STX1A: variants seen among roughly 807,000 people sequenced by gnomAD.
The protein encoded by STX1A is syntaxin-1A.
A neutral mutation model predicts 37.8 loss-of-function variants in STX1A; 4 were observed. The observed-to-expected ratio is 0.11, with a 90% CI of 0.05 to 0.24. The LOEUF is 0.24. Ranked by LOEUF, STX1A falls within the 10% of genes least tolerant of loss-of-function variation. The pLI, the probability that STX1A is intolerant of heterozygous loss-of-function variation, is 1.00. For synonymous variants in STX1A, 135 were observed against 147.4 expected, an observed-to-expected ratio of 0.92 and a Z score of 0.61; for missense variants, 251 against 399.9, an observed-to-expected ratio of 0.63 and a Z score of 3.18.
rs947027934 is a variant in STX1A at position 73,712,274 on chromosome 7, C to T, written c.31-3152G>A. On this transcript the variant is annotated intron_variant, in intron 1 of 9. Coordinates refer to ENST00000222812, the MANE Select transcript of STX1A (RefSeq NM_004603.4). Reference sequence around the variant, plus strand: ...TTCTTCGTTCTTGGGAATTTTCACCCCCAGCTCTGCTCTTTATCCTGCTGC... The same window carrying T: ...TTCTTCGTTCTTGGGAATTTTCACCTCCAGCTCTGCTCTTTATCCTGCTGC... Among the ~76,000 whole-genome samples, 16 of 151,986 alleles carry T rather than the reference C, an allele frequency of 1.1e-4. No individual in the cohort carries two copies. The South Asian group carries it at 2.1e-3, about 20-fold the overall frequency.
chr7:73,708,971 A>C, intron 2 of STX1A, 74 bp downstream of exon 2: 1 of 1,538,082 alleles, frequency 6.5e-7, no homozygotes, highest in Non-Finnish European at 9.0e-7. Flanking sequence ...AGAGCACTGA[A>C]CCTGGCTCAG....
chr7:73,717,359 G>A lies in STX1A; in HGVS notation c.30+2243C>T, dbSNP rs1268541277. Among the ~76,000 whole-genome samples the A allele has an allele frequency of 6.6e-6, 1 of 152,134 alleles. No homozygotes were observed. Among genetic ancestry groups the A allele is most frequent in the African/African-American group, 2.4e-5 (1 of 41,416 alleles). On this transcript the variant is annotated intron_variant, in intron 1 of 9. Transcript: ENST00000222812. This position sits in a 1 kb window ranked among gnomAD's most constrained non-coding sequence, Gnocchi z 4.1. The stretch of plus-strand genomic sequence containing the variant: ...AGCCAGTGCTGGCCTCTTCCTTTCT[G>A]GGGATTCTGGGCTGAAAATTCTGAC...
chr7:73,710,901 G>C (rs1397077634), intron 1 of STX1A, among the ~76,000 whole-genome samples: 1 of 152,184 alleles, frequency 6.6e-6, no homozygotes, highest in Non-Finnish European at 1.5e-5. Context: ...ACTCTTCTGT[G>C]AAATGGGGAC....
rs1554616128 is a variant in STX1A, at chr7:73,702,905, C to T, written c.618G>A (p.Glu206=). 2 of 1,613,762 alleles carry T rather than the reference C, an allele frequency of 1.2e-6. No homozygotes were observed. ...TGTCGTGTAGCTCACGGATGCTGTT[C>T]TCCAGCTTGATGATCTCACTGTGCC... ...ETRHSEIIKL[E]NSIRELHDMF... is the part of the protein sequence containing the mutation. Residue 206 remains glutamate, a synonymous_variant, in exon 8 of 10, where the codon GAG becomes GAA. Transcript: ENST00000222812. This position sits in a 1 kb window ranked among gnomAD's most constrained non-coding sequence, Gnocchi z 4.7.
chr7:73,700,173 G>T lies in STX1A; in HGVS notation c.*234C>A. 1.7e-6 allele frequency: 1 copy of T among 594,408 alleles called. No homozygotes were observed. Among genetic ancestry groups the T allele is most frequent in the South Asian group, 2.0e-5 (1 of 50,828 alleles). The allele number at this position is 594,408 out of a possible 1,614,324, so 36.8% of individuals were successfully genotyped here. Reference sequence around the variant, plus strand: ...CTCCTCGCTGTGCACACTGCATCACGCCCCGCTGGCTGCCTCCCTCTGCCT... The same window carrying T: ...CTCCTCGCTGTGCACACTGCATCACTCCCCGCTGGCTGCCTCCCTCTGCCT... On this transcript the variant is annotated 3_prime_UTR_variant, in exon 10 of 10. Coordinates refer to ENST00000222812, the MANE Select transcript of STX1A (RefSeq NM_004603.4). This position sits in a 1 kb window ranked among gnomAD's most constrained non-coding sequence, Gnocchi z 4.4.
intron 3 of STX1A, 79 bp downstream of exon 3, chr7:73,708,510 T>A: frequency 7.3e-7 from 1 of 1,374,314 alleles, no homozygotes; most frequent in Non-Finnish European, 1.0e-6. Context: ...GCTGCAGAGG[T>A]CCCGTGAGGC....
rs938214126 is a variant in STX1A, at chr7:73,705,094, G to A, written c.283+56C>T. The A allele has an allele frequency of 1.9e-5, 29 of 1,553,868 alleles. No homozygotes were observed. The highest frequency in any genetic ancestry group is 2.7e-5 in the African/African-American group (2 of 73,706). On this transcript the variant is annotated intron_variant, in intron 4 of 9. Transcript: ENST00000222812. This position sits in a 1 kb window ranked among gnomAD's most constrained non-coding sequence, Gnocchi z 5.2. Reference sequence around the variant, plus strand: ...GGGCGAGCAAAACCCCATGGGCTCCGCAGAGGAAGCAGGCCTAGAATGCCC... The same window carrying A: ...GGGCGAGCAAAACCCCATGGGCTCCACAGAGGAAGCAGGCCTAGAATGCCC...
At chr7:73,704,009 C>T (rs1798770111) in intron 6 of STX1A, 139 bp downstream of exon 6, 1 of 1,129,980 alleles carries the variant, frequency 8.8e-7, no homozygotes, top group Admixed American at 2.4e-5. Flanking sequence ...CCCCTCCAGC[C>T]CCAAACTCAG....
At chr7:73,703,519 G>A (rs983401211) in intron 7 of STX1A, 4 of 694,950 alleles carry the variant, frequency 5.8e-6, no homozygotes, top group Admixed American at 2.0e-5. Context: ...GCTGGCCGCC[G>A]GCGAAAGTGA....
In STX1A at chr7:73,700,172, C is replaced by T. The variant is rs1477064189; in HGVS notation, c.*235G>A. Reference sequence around the variant, plus strand: ...GCTCCTCGCTGTGCACACTGCATCACGCCCCGCTGGCTGCCTCCCTCTGCC... The same window carrying T: ...GCTCCTCGCTGTGCACACTGCATCATGCCCCGCTGGCTGCCTCCCTCTGCC... On this transcript the variant is annotated 3_prime_UTR_variant, in exon 10 of 10. Coordinates refer to ENST00000222812, the MANE Select transcript of STX1A (RefSeq NM_004603.4). This position sits in a 1 kb window ranked among gnomAD's most constrained non-coding sequence, Gnocchi z 4.4. 1.3e-5 allele frequency: 8 copies of T among 594,500 alleles called. No homozygotes were observed. Among genetic ancestry groups the T allele is most frequent in the African/African-American group, 9.3e-5 (5 of 53,724 alleles). The allele number at this position is 594,500 out of a possible 1,614,324, so 36.8% of individuals were successfully genotyped here.
chr7:73,704,719 A>T (rs1378752572), intron 4 of STX1A: 4 of 536,796 alleles, frequency 7.5e-6, no homozygotes, highest in Non-Finnish European at 1.4e-5. Flanking sequence ...CTGCTCAGAA[A>T]GGCTGTGTAC....
rs1798892191 is a variant in STX1A, at chr7:73,706,842, CA to C, written c.209-1619del. Among the ~76,000 whole-genome samples the C allele has an allele frequency of 6.6e-6, 1 of 152,214 alleles. No homozygotes were observed. Among genetic ancestry groups the C allele is most frequent in the African/African-American group, 2.4e-5 (1 of 41,444 alleles). ...ACATCCGTCTCATGCTGCCATCCAA[CA>C]AATCTCTCAGGCAAGGAGCTCAGCG... On this transcript the variant is annotated intron_variant, in intron 3 of 9. Coordinates refer to ENST00000222812, the MANE Select transcript of STX1A (RefSeq NM_004603.4). This position sits in a 1 kb window ranked among gnomAD's most constrained non-coding sequence, Gnocchi z 4.6.
Position 73,700,520 on chromosome 7 carries a change from T to C in STX1A, c.790-36A>G. 1 of 1,609,612 alleles carries C rather than the reference T, an allele frequency of 6.2e-7. No individual in the cohort carries two copies. The highest frequency in any genetic ancestry group is 1.7e-4 in the Middle Eastern group (1 of 6,046). On this transcript the variant is annotated intron_variant, in intron 9 of 9. Coordinates refer to ENST00000222812, the MANE Select transcript of STX1A (RefSeq NM_004603.4). The surrounding 1 kb of genome is among the most constrained non-coding windows in gnomAD (Gnocchi z 4.4). Reference sequence around the variant, plus strand: ...AGCGGGCAGGAGAGGCCTCAGACAGTGTTGGCGGCAGGTGGGGTGGGACTA... The same window carrying C: ...AGCGGGCAGGAGAGGCCTCAGACAGCGTTGGCGGCAGGTGGGGTGGGACTA...
Position 73,706,912 on chromosome 7 carries a change from G to A in STX1A, c.208+1677C>T, listed in dbSNP as rs1182867675. On this transcript the variant is annotated intron_variant, in intron 3 of 9. Coordinates refer to ENST00000222812, the MANE Select transcript of STX1A (RefSeq NM_004603.4). The surrounding 1 kb of genome is among the most constrained non-coding windows in gnomAD (Gnocchi z 4.6). ...CCTCTCTCCCTCCTGCCCTTCCTGA[G>A]GCAGTCCACCCTGCTCCCACCTGAC... 6.6e-6 allele frequency among the ~76,000 whole-genome samples: 1 copy of A among 152,196 alleles called. No individual in the cohort carries two copies. Among genetic ancestry groups the A allele is most frequent in the Non-Finnish European group, 1.5e-5 (1 of 68,036 alleles).
In STX1A at chr7:73,707,791, C is replaced by T. The variant is rs550314247; in HGVS notation, c.208+798G>A. 1.2e-4 allele frequency among the ~76,000 whole-genome samples: 18 copies of T among 151,542 alleles called. 1 individual carries two copies. The highest frequency in any genetic ancestry group is 4.2e-4 in the South Asian group (2 of 4,796). On this transcript the variant is annotated intron_variant, in intron 3 of 9. Coordinates refer to ENST00000222812, the MANE Select transcript of STX1A (RefSeq NM_004603.4). ...TTTACTAAAAATACCAAAAATTAGC[C>T]GGGCGTGGTGGCGCATGCCTGTAAT...
chr7:73,716,058 C>A (rs1799278391), intron 1 of STX1A, among the ~76,000 whole-genome samples: 1 of 152,230 alleles, frequency 6.6e-6, no homozygotes, highest in Admixed American at 6.5e-5. Context: ...AGATAAACAC[C>A]TGGCCCTTTC....
intron 3 of STX1A, among the ~76,000 whole-genome samples, chr7:73,707,196 G>T (rs1312376525): frequency 6.6e-6 from 1 of 152,198 alleles, no homozygotes; most frequent in Non-Finnish European, 1.5e-5. Flanking sequence ...CCCCCCTCCA[G>T]GGAAGGGCAC....
At chr7:73,718,621 C>G (rs1022273711) in intron 1 of STX1A, among the ~76,000 whole-genome samples, 9 of 151,984 alleles carry the variant, frequency 5.9e-5, no homozygotes, top group African/African-American at 1.7e-4. Context: ...ATCCACCCCC[C>G]CTCCCCGACA....
At position 73,700,891 on chromosome 7, in the gene STX1A, G is replaced by A; in HGVS notation, c.679-51C>T. On this transcript the variant is annotated intron_variant, in intron 8 of 9. Transcript: ENST00000222812. This position sits in a 1 kb window ranked among gnomAD's most constrained non-coding sequence, Gnocchi z 4.4. ...CCAGAGGGCCCCCTCCTCAGGGTTGGGTTGGGGCTCGGGGCAGGACTTCAG... is the reference window on the plus strand; with the variant it reads ...CCAGAGGGCCCCCTCCTCAGGGTTGAGTTGGGGCTCGGGGCAGGACTTCAG... 6.2e-7 allele frequency: 1 copy of A among 1,606,998 alleles called. No homozygotes were observed. The highest frequency in any genetic ancestry group is 1.1e-5 in the South Asian group (1 of 90,930).
Sources: allele counts gnomAD v4.1 joint callset (sites outside exome capture counted in the v4.1 genomes callset), GRCh38; gene constraint gnomAD v4.1.1; non-coding constraint Gnocchi (gnomAD v3.1); transcripts MANE v1.5; gene names NCBI Gene and HGNC (gene_info 2026-07-23, HGNC 2026-07-21).